Variants in HCN1 observed in about 807,000 individuals in gnomAD.
HCN1 encodes the protein potassium/sodium hyperpolarization-activated cyclic nucleotide-gated channel 1.
A neutral mutation model predicts 78.9 loss-of-function variants in HCN1; 13 were observed. The ratio of observed to expected loss-of-function variants is 0.16; its 90% CI spans 0.11 to 0.26. HCN1 has a LOEUF of 0.26. Among genes scored for constraint, HCN1 ranks in the 10% least tolerant of loss-of-function variants. HCN1 has a pLI of 1.00. For synonymous variants in HCN1, 552 were observed against 455.5 expected (o/e 1.21, Z -2.70); for missense variants, 810 against 1,154.3 (o/e 0.70, Z 4.32).
At chr5:45,422,289 G>A (rs1661825245) in intron 3 of HCN1, among the ~76,000 whole-genome samples, 1 of 152,018 alleles carries the variant, frequency 6.6e-6, no homozygotes, top group African/African-American at 2.4e-5. Flanking sequence ...TGTTTCTGTG[G>A]GTCTTCCTTT....
chr5:45,305,893 G>C lies in HCN1; in HGVS notation c.1378-2054C>G, dbSNP rs565810823. ...AGGGAGGAAGGAAGGAAGGAAGGTG[G>C]AGTCTCAGTTGTAAAAAAGTACTCA... On this transcript the variant is annotated intron_variant, in intron 5 of 7. Transcript: ENST00000303230. Among the ~76,000 whole-genome samples, 5 of 151,754 alleles carry C rather than the reference G, an allele frequency of 3.3e-5. No individual in the cohort carries two copies. The South Asian group carries it at 8.3e-4, about 25-fold the overall frequency.
chr5:45,350,078 G>T (rs1218177667), intron 5 of HCN1, among the ~76,000 whole-genome samples: 3 of 152,040 alleles, frequency 2.0e-5, no homozygotes, highest in African/African-American at 7.2e-5. Context: ...CCAAAAAAAA[G>T]AATTTTAGAC....
chr5:45,433,993 C>T (rs1034089843), intron 3 of HCN1, among the ~76,000 whole-genome samples: 1 of 152,156 alleles, frequency 6.6e-6, no homozygotes, highest in Non-Finnish European at 1.5e-5. Flanking sequence ...TTAATCCATG[C>T]ATGGTATATT....
chr5:45,305,297 A>G (rs1023714562), intron 5 of HCN1, among the ~76,000 whole-genome samples: 4 of 152,208 alleles, frequency 2.6e-5, no homozygotes, highest in Non-Finnish European at 5.9e-5. Context: ...AGGTGATAAC[A>G]GAAGGCACAA....
intron 4 of HCN1, among the ~76,000 whole-genome samples, chr5:45,391,439 G>T (rs1010429359): frequency 6.6e-6 from 1 of 151,972 alleles, no homozygotes; most frequent in Admixed American, 6.6e-5. Flanking sequence ...TATAAAACAG[G>T]ATGTAACTTT....
chr5:45,430,887 G>A (rs1253044369), intron 3 of HCN1, among the ~76,000 whole-genome samples: 1 of 152,090 alleles, frequency 6.6e-6, no homozygotes, highest in Non-Finnish European at 1.5e-5. Flanking sequence ...TTGCTATTGT[G>A]AATAGTGCTG....
chr5:45,674,695 G>A (rs1161342999), intron 1 of HCN1, among the ~76,000 whole-genome samples: 2 of 151,694 alleles, frequency 1.3e-5, no homozygotes, highest in Admixed American at 1.3e-4. Flanking sequence ...CACACATGCT[G>A]AATGTTTTAT....
chr5:45,534,662 C>A (rs1216746340), intron 2 of HCN1, among the ~76,000 whole-genome samples: 4 of 148,820 alleles, frequency 2.7e-5, no homozygotes, highest in Non-Finnish European at 1.5e-5. Flanking sequence ...ATACGAGATT[C>A]TAAGCCAAAA....
chr5:45,550,642 T>C (rs1490182413), intron 2 of HCN1, among the ~76,000 whole-genome samples: 1 of 152,076 alleles, frequency 6.6e-6, no homozygotes, highest in Non-Finnish European at 1.5e-5. Flanking sequence ...ACTTAAAGTA[T>C]AATTTTTAAA....
intron 3 of HCN1, among the ~76,000 whole-genome samples, chr5:45,447,742 C>G (rs567578140): frequency 1.3e-5 from 2 of 152,218 alleles, no homozygotes; most frequent in African/African-American, 4.8e-5. Flanking sequence ...TATCAGAAAG[C>G]ACCTTGTAGA....
intron 6 of HCN1, among the ~76,000 whole-genome samples, chr5:45,275,317 T>C (rs184995132): frequency 6.6e-6 from 1 of 152,166 alleles, no homozygotes; most frequent in East Asian, 1.9e-4. Flanking sequence ...TTAAAAATAT[T>C]CTTCATAAAA....
chr5:45,686,425 G>T (rs1319337698), intron 1 of HCN1, among the ~76,000 whole-genome samples: 1 of 152,032 alleles, frequency 6.6e-6, no homozygotes, highest in Non-Finnish European at 1.5e-5. Context: ...TGCCAACTGT[G>T]GAACACAAGG....
chr5:45,411,653 T>C (rs1464783782), intron 3 of HCN1, among the ~76,000 whole-genome samples: 1 of 152,036 alleles, frequency 6.6e-6, no homozygotes, highest in African/African-American at 2.4e-5. Context: ...TTCTGAATGA[T>C]AAAAACATTA....
intron 2 of HCN1, among the ~76,000 whole-genome samples, chr5:45,483,213 T>C (rs1741690895): frequency 6.6e-6 from 1 of 152,206 alleles, no homozygotes; most frequent in Non-Finnish European, 1.5e-5. Flanking sequence ...TGGACTAATT[T>C]ACATTCCCAC....
intron 2 of HCN1, among the ~76,000 whole-genome samples, chr5:45,591,128 T>C (rs1423812796): frequency 6.6e-6 from 1 of 152,154 alleles, no homozygotes. Flanking sequence ...TGCTGAATAA[T>C]ATTTCATTGT....
At chr5:45,445,495 G>T (rs1209193569) in intron 3 of HCN1, among the ~76,000 whole-genome samples, 1 of 152,196 alleles carries the variant, frequency 6.6e-6, no homozygotes, top group Non-Finnish European at 1.5e-5. Flanking sequence ...AACCTCTGCA[G>T]ACCTAAATGT....
At chr5:45,488,404 G>C (rs1325546495) in intron 2 of HCN1, among the ~76,000 whole-genome samples, 3 of 151,956 alleles carry the variant, frequency 2.0e-5, no homozygotes, top group Non-Finnish European at 4.4e-5. Context: ...TTGGCATTGA[G>C]GAAAAACTGA....
At chr5:45,296,490 T>C (rs1035613128) in intron 6 of HCN1, among the ~76,000 whole-genome samples, 5 of 151,908 alleles carry the variant, frequency 3.3e-5, no homozygotes, top group African/African-American at 7.2e-5. Flanking sequence ...TTATACTACA[T>C]AGTATTAGAT....
At chr5:45,370,034 C>A (rs529038276) in intron 4 of HCN1, among the ~76,000 whole-genome samples, 3 of 151,570 alleles carry the variant, frequency 2.0e-5, no homozygotes, top group Admixed American at 1.3e-4. Flanking sequence ...AAAAAAAAAA[C>A]CTCTCAGTTA....
Sources: allele counts gnomAD v4.1 joint callset (sites outside exome capture counted in the v4.1 genomes callset), GRCh38; gene constraint gnomAD v4.1.1; transcripts MANE v1.5; gene names NCBI Gene and HGNC (gene_info 2026-07-23, HGNC 2026-07-21).